Variants in KCNQ5 observed in about 807,000 individuals in gnomAD.
The protein encoded by KCNQ5 is potassium voltage-gated channel subfamily Q member 5, also known as potassium voltage-gated channel subfamily KQT member 5.
A neutral mutation model predicts 98.2 loss-of-function variants in KCNQ5; 30 were observed. That is an observed-to-expected ratio of 0.31 (90% CI 0.23 to 0.41). The LOEUF is 0.41. Ranked by LOEUF, KCNQ5 falls within the 10% of genes least tolerant of loss-of-function variation. KCNQ5 has a pLI of 1.00. For missense variants in KCNQ5, 835 were observed against 1,182.5 expected, an observed-to-expected ratio of 0.71 and a Z score of 4.31; for synonymous variants, 458 against 449.4, an observed-to-expected ratio of 1.02 and a Z score of -0.24.
intron 1 of KCNQ5, among the ~76,000 whole-genome samples, chr6:72,710,791 A>T (rs1769327582): frequency 6.6e-6 from 1 of 152,160 alleles, no homozygotes; most frequent in African/African-American, 2.4e-5. Flanking sequence ...TCATTCAGAC[A>T]TAAAGTCAAT....
At chr6:72,658,470 G>A (rs1216342087) in intron 1 of KCNQ5, among the ~76,000 whole-genome samples, 1 of 148,310 alleles carries the variant, frequency 6.7e-6, no homozygotes, top group African/African-American at 2.5e-5. Context: ...TTGTAGAGAT[G>A]GGGTTTCATC....
At chr6:72,655,748 G>C (rs1766158446) in intron 1 of KCNQ5, among the ~76,000 whole-genome samples, 1 of 152,148 alleles carries the variant, frequency 6.6e-6, no homozygotes, top group South Asian at 2.1e-4. Flanking sequence ...GCAATGAAGA[G>C]CCATTAATGG....
At position 73,111,294 on chromosome 6, in the gene KCNQ5, G is replaced by A; in HGVS notation, c.1030-14G>A. ...TTTGAAATTTTTGAGTGCCATTTTTGTATTTTGTTCCAGGGCATTCTTGGC... is the reference window on the plus strand; with the variant it reads ...TTTGAAATTTTTGAGTGCCATTTTTATATTTTGTTCCAGGGCATTCTTGGC... On this transcript the variant is annotated splice_polypyrimidine_tract_variant and intron_variant, in intron 6 of 13. Transcript: ENST00000370398. 6.3e-7 allele frequency: 1 copy of A among 1,590,172 alleles called. No homozygotes were observed. The highest frequency in any genetic ancestry group is 8.6e-7 in the Non-Finnish European group (1 of 1,165,110).
chr6:73,024,667 T>C (rs1343735346), intron 2 of KCNQ5, among the ~76,000 whole-genome samples: 1 of 152,232 alleles, frequency 6.6e-6, no homozygotes, highest in Non-Finnish European at 1.5e-5. Flanking sequence ...AACTTTGTTT[T>C]AATTATAAGA....
chr6:72,672,367 G>T (rs1280646603), intron 1 of KCNQ5, among the ~76,000 whole-genome samples: 1 of 151,988 alleles, frequency 6.6e-6, no homozygotes, highest in Non-Finnish European at 1.5e-5. Flanking sequence ...CAAAGTGATG[G>T]GATTACAGGG....
intron 1 of KCNQ5, among the ~76,000 whole-genome samples, chr6:72,802,202 G>A (rs920277400): frequency 1.3e-5 from 2 of 152,182 alleles, no homozygotes; most frequent in East Asian, 1.9e-4. Flanking sequence ...AGTTCTCCTG[G>A]ATAATATCCT....
intron 1 of KCNQ5, among the ~76,000 whole-genome samples, chr6:72,771,269 G>T (rs534284452): frequency 6.6e-6 from 1 of 152,114 alleles, no homozygotes; most frequent in African/African-American, 2.4e-5. Context: ...AGATGGAAGG[G>T]TATCCATTTA....
intron 9 of KCNQ5, chr6:73,129,859 A>G: frequency 6.2e-7 from 1 of 1,609,970 alleles, no homozygotes; most frequent in Non-Finnish European, 8.5e-7. Context: ...GGTACCCAGC[A>G]TCCGGGCTAT....
chr6:73,180,433 C>T (rs768254613), intron 11 of KCNQ5, among the ~76,000 whole-genome samples: 65 of 152,310 alleles, frequency 4.3e-4, no homozygotes, highest in East Asian at 2.1e-3. Context: ...CACTCAAGGA[C>T]GGGGAAGCAT....
intron 1 of KCNQ5, among the ~76,000 whole-genome samples, chr6:72,852,313 G>C (rs539106202): frequency 2.6e-5 from 4 of 151,982 alleles, no homozygotes; most frequent in African/African-American, 9.7e-5. Flanking sequence ...ACTCTTCCAT[G>C]TTTATTGCAG....
At position 73,023,065 on chromosome 6, in the gene KCNQ5, A is replaced by C. The variant is rs150134220; in HGVS notation, c.490-18871A>C. 1.7e-3 allele frequency among the ~76,000 whole-genome samples: 265 copies of C among 152,348 alleles called. 2 individuals are homozygous for C. Among genetic ancestry groups the C allele is most frequent in the African/African-American group, 6.3e-3 (263 of 41,588 alleles). Reference sequence around the variant, plus strand: ...GAGGAATAACTGGAATGGAGAAGGAATAGTGGAGGGCAGGAAGAAATGGAG... The same window carrying C: ...GAGGAATAACTGGAATGGAGAAGGACTAGTGGAGGGCAGGAAGAAATGGAG... On this transcript the variant is annotated intron_variant, in intron 2 of 13. Transcript: ENST00000370398.
intron 9 of KCNQ5, among the ~76,000 whole-genome samples, chr6:73,126,036 C>T (rs1215679724): frequency 6.6e-6 from 1 of 152,194 alleles, no homozygotes; most frequent in Non-Finnish European, 1.5e-5. Flanking sequence ...ATACAGAGCT[C>T]ACCATCCTTC....
chr6:72,880,383 T>G (rs1450824817), intron 1 of KCNQ5, among the ~76,000 whole-genome samples: 2 of 152,174 alleles, frequency 1.3e-5, no homozygotes, highest in African/African-American at 4.8e-5. Context: ...TCCTTATGCC[T>G]GTTTTATAAG....
intron 2 of KCNQ5, among the ~76,000 whole-genome samples, chr6:73,020,849 CT>C (rs1186801220): frequency 6.6e-6 from 1 of 152,136 alleles, no homozygotes; most frequent in African/African-American, 2.4e-5. Context: ...ACACAGGCTT[CT>C]CACATCCTGA....
Position 72,863,721 on chromosome 6 carries a change from A to G in KCNQ5, c.399-140187A>G, listed in dbSNP as rs183059396. On this transcript the variant is annotated intron_variant, in intron 1 of 13. Transcript: ENST00000370398. ...TTCCTTCAGATATAGGTATTTCTGTAGCAGATATTTTTTAGAATTTTTTTA... is the reference window on the plus strand; with the variant it reads ...TTCCTTCAGATATAGGTATTTCTGTGGCAGATATTTTTTAGAATTTTTTTA... 8.5e-5 allele frequency among the ~76,000 whole-genome samples: 13 copies of G among 152,374 alleles called. No individual in the cohort carries two copies. In the East Asian group the frequency reaches 2.1e-3, roughly 25 times the overall value.
intron 1 of KCNQ5, among the ~76,000 whole-genome samples, chr6:72,764,022 G>A (rs948191175): frequency 1.3e-5 from 2 of 151,806 alleles, no homozygotes; most frequent in Non-Finnish European, 2.9e-5. Flanking sequence ...AAGTTACTGT[G>A]CAAGTATAAG....
At chr6:72,626,800 G>C (rs2098918182) in intron 1 of KCNQ5, among the ~76,000 whole-genome samples, 1 of 152,198 alleles carries the variant, frequency 6.6e-6, no homozygotes, top group Non-Finnish European at 1.5e-5. Flanking sequence ...AGGAACTAAG[G>C]CAGTAACTGT....
intron 10 of KCNQ5, among the ~76,000 whole-genome samples, chr6:73,145,883 C>T (rs1198291016): frequency 2.0e-5 from 3 of 151,998 alleles, no homozygotes; most frequent in Admixed American, 6.6e-5. Flanking sequence ...GTCAGAAGAG[C>T]GAAAGGGAAG....
At chr6:73,055,089 C>CT (rs1487238910) in intron 3 of KCNQ5, 7 of 715,428 alleles carry the variant, frequency 9.8e-6, no homozygotes, top group African/African-American at 8.7e-5. Context: ...TCCCCCAAGC[C>CT]TGCCACCATG....
Sources: gnomAD v4.1 joint callset for allele counts (sites outside exome capture counted in the v4.1 genomes callset) on GRCh38, gnomAD v4.1.1 for gene constraint, MANE v1.5 for transcripts, NCBI Gene and HGNC (gene_info 2026-07-23, HGNC 2026-07-21) for gene names.